Variants in PIEZO2 observed in about 807,000 individuals in gnomAD.
PIEZO2 encodes piezo-type mechanosensitive ion channel component 2.
A neutral mutation model predicts 337.3 loss-of-function variants in PIEZO2; 172 were observed. That is an observed-to-expected ratio of 0.51 (90% CI 0.45 to 0.58). The LOEUF (loss-of-function observed/expected upper bound fraction) is 0.58. Ranked by LOEUF, PIEZO2 falls within the 20% of genes least tolerant of loss-of-function variation. The probability of loss-of-function intolerance (pLI) is 0.00; values close to 1 mark genes in which losing one functional copy is unlikely to be tolerated. For missense variants in PIEZO2, 3,028 were observed against 3,391.3 expected (o/e 0.89, Z 2.66); for synonymous variants, 1,251 against 1,228.5 (o/e 1.02, Z -0.38).
rs547654310 is a variant in PIEZO2, at chr18:10,724,972, C to T, written c.5029+6435G>A. On this transcript the variant is annotated intron_variant, in intron 36 of 55. Transcript: ENST00000674853. The surrounding 1 kb of genome is among the most constrained non-coding windows in gnomAD (Gnocchi z 5.8). ...GCGCACCCTGCGGCCTGCAGCCTCC[C>T]TGCCTCACATTACTAAGACTCAAAG... 5.9e-5 allele frequency: 94 copies of T among 1,584,738 alleles called. 1 individual carries two copies. The African/African-American group carries it at 1.2e-3, about 19-fold the overall frequency.
intron 2 of PIEZO2, among the ~76,000 whole-genome samples, chr18:11,062,992 AAAGACTTGGAACCAAACCAAATGT>A (rs2038022491): frequency 6.6e-6 from 1 of 152,168 alleles, no homozygotes; most frequent in Non-Finnish European, 1.5e-5. Flanking sequence ...TCACAATAGC[AAAGACTTGGAACCAAACCAAATGT>A]CCAACAATGA....
At chr18:10,857,354 C>T (rs1416732729) in intron 5 of PIEZO2, 143 bp from the exon 6 acceptor site, 6 of 685,266 alleles carry the variant, frequency 8.8e-6, no homozygotes, top group Non-Finnish European at 1.2e-5. Context: ...AGTTCATTCC[C>T]CTCAGGTCTC....
rs189984218 is a variant in PIEZO2, at chr18:11,075,692, G to A, written c.65-9470C>T. Reference sequence around the variant, plus strand: ...AAAGGCAAGACATATGCTTACATACGTATTCTTATCACGTAGCACCTGTGT... The same window carrying A: ...AAAGGCAAGACATATGCTTACATACATATTCTTATCACGTAGCACCTGTGT... On this transcript the variant is annotated intron_variant, in intron 1 of 55. Transcript: ENST00000674853. Among the ~76,000 whole-genome samples, 43 of 151,976 alleles carry A rather than the reference G, an allele frequency of 2.8e-4. 1 individual carries two copies. In the East Asian group the frequency reaches 6.2e-3, roughly 22 times the overall value.
chr18:11,107,613 A>G (rs1455111654), intron 1 of PIEZO2, among the ~76,000 whole-genome samples: 1 of 152,230 alleles, frequency 6.6e-6, no homozygotes, highest in Admixed American at 6.5e-5. Context: ...GTTAAAGAAC[A>G]CTCAAAACAC....
chr18:10,879,921 A>C (rs1414350267), intron 4 of PIEZO2, among the ~76,000 whole-genome samples: 1 of 152,220 alleles, frequency 6.6e-6, no homozygotes, highest in Non-Finnish European at 1.5e-5. Flanking sequence ...GTATATCATA[A>C]TGGTGAAAAA....
chr18:11,095,289 G>T (rs2039230711), intron 1 of PIEZO2, among the ~76,000 whole-genome samples: 1 of 152,182 alleles, frequency 6.6e-6, no homozygotes, highest in Admixed American at 6.5e-5. Context: ...GGAATCCAGT[G>T]AGAAATAAAT....
At chr18:10,764,398 T>C (rs2143904216) in intron 21 of PIEZO2, among the ~76,000 whole-genome samples, 1 of 152,112 alleles carries the variant, frequency 6.6e-6, no homozygotes, top group South Asian at 2.1e-4. Flanking sequence ...TCCTAGCACT[T>C]TGGGAGGCCA....
rs1351428186 is a variant in PIEZO2 at position 10,750,125 on chromosome 18, G to T, written c.4230C>A (p.Phe1410Leu). The change falls in exon 29 of 56, where the codon TTC becomes TTA. Residue 1410 changes from phenylalanine to leucine, a missense_variant. This residue lies in a region of PIEZO2 where 1,925 missense variants were observed against 2,051.9 expected (regional missense o/e 0.94). Transcript: ENST00000674853. The surrounding 1 kb of genome is among the most constrained non-coding windows in gnomAD (Gnocchi z 4.1). The part of the protein sequence containing the change: ...VHNSCWLIQA[F>L]SLACTVKGYQ... ...AGCCTTTGACTGTGCAGGCCAGGCT[G>T]AAAGCCTGGATCAACCAACAACTAT... The T allele has an allele frequency of 4.6e-6, 7 of 1,536,924 alleles. No homozygotes were observed. Among genetic ancestry groups the T allele is most frequent in the Non-Finnish European group, 6.1e-6 (7 of 1,146,718 alleles).
chr18:10,934,729 C>G (rs990028107), intron 3 of PIEZO2, among the ~76,000 whole-genome samples: 1 of 150,486 alleles, frequency 6.6e-6, no homozygotes, highest in Admixed American at 6.6e-5. Context: ...AGCCTAAACA[C>G]CTGGAATAAT....
At chr18:10,990,447 C>G (rs144729033) in intron 2 of PIEZO2, among the ~76,000 whole-genome samples, 287 of 152,188 alleles carry the variant, frequency 1.9e-3, no homozygotes, top group African/African-American at 6.7e-3. Flanking sequence ...CCACTCAAAG[C>G]TGGAGAGGAG....
rs1488310616 is a variant in PIEZO2, at chr18:10,691,289, T to C, written c.7285A>G (p.Thr2429Ala). 4.3e-6 allele frequency: 7 copies of C among 1,614,136 alleles called. No individual in the cohort carries two copies. The highest frequency in any genetic ancestry group is 5.1e-6 in the Non-Finnish European group (6 of 1,180,024). The change falls in exon 48 of 56, where the codon ACG (threonine) becomes GCG (alanine). Residue 2429 changes from threonine to alanine, a missense_variant. Thr to Ala is a moderately conservative substitution (Grantham distance 58). This residue lies in a region of PIEZO2 where 179 missense variants were observed against 281.8 expected (regional missense o/e 0.64). Transcript: ENST00000674853. ...SAYQIRCGYP[T>A]RVLGNFLTKS... ...GTGAGGAAGTTCCCCAGGACTCGCG[T>C]TGGGTAGCCACAACGGATCTGGTAA...
At chr18:10,683,279 T>C (rs1416224677) in intron 49 of PIEZO2, among the ~76,000 whole-genome samples, 2 of 152,236 alleles carry the variant, frequency 1.3e-5, no homozygotes. Flanking sequence ...TGGGAGTCAG[T>C]ACAGGACATG....
rs1356107193 is a variant in PIEZO2 at position 10,943,949 on chromosome 18, C to T, written c.287-32721G>A. Reference sequence around the variant, plus strand: ...GAACAAGCTCTCTCTTTGCCTGCTGCCATCCACGTATGATGTGACTTCCTC... The same window carrying T: ...GAACAAGCTCTCTCTTTGCCTGCTGTCATCCACGTATGATGTGACTTCCTC... On this transcript the variant is annotated intron_variant, in intron 3 of 55. Transcript: ENST00000674853. The surrounding 1 kb of genome is among the most constrained non-coding windows in gnomAD (Gnocchi z 4.5). 6.6e-6 allele frequency among the ~76,000 whole-genome samples: 1 copy of T among 152,134 alleles called. No homozygotes were observed. Among genetic ancestry groups the T allele is most frequent in the East Asian group, 1.9e-4 (1 of 5,188 alleles).
In PIEZO2 at chr18:10,676,140, A is replaced by G. The variant is rs1290140960; in HGVS notation, c.8082-852T>C. On this transcript the variant is annotated intron_variant, in intron 53 of 55. Coordinates refer to ENST00000674853, the MANE Select transcript of PIEZO2 (RefSeq NM_001378183.1). This position sits in a 1 kb window ranked among gnomAD's most constrained non-coding sequence, Gnocchi z 5.1. ...GGACCTCGAGTGACCTCTGCCTCCCACAAGCCCAGTGCCTTCAATACATTC... is the reference window on the plus strand; with the variant it reads ...GGACCTCGAGTGACCTCTGCCTCCCGCAAGCCCAGTGCCTTCAATACATTC... Among the ~76,000 whole-genome samples the G allele has an allele frequency of 6.6e-6, 1 of 152,216 alleles. No homozygotes were observed. Among genetic ancestry groups the G allele is most frequent in the African/African-American group, 2.4e-5 (1 of 41,454 alleles).
At chr18:10,840,232 G>A (rs1267480768) in intron 7 of PIEZO2, among the ~76,000 whole-genome samples, 1 of 152,150 alleles carries the variant, frequency 6.6e-6, no homozygotes, top group African/African-American at 2.4e-5. Context: ...ATAAATGCAT[G>A]TTATTAATTT....
intron 3 of PIEZO2, among the ~76,000 whole-genome samples, chr18:10,972,816 T>C (rs115547812): frequency 6.6e-6 from 1 of 152,154 alleles, no homozygotes; most frequent in Non-Finnish European, 1.5e-5. Flanking sequence ...TTAGGACTTC[T>C]CTAATAACAG....
intron 2 of PIEZO2, among the ~76,000 whole-genome samples, chr18:11,022,653 C>G (rs2036354247): frequency 6.6e-6 from 1 of 152,186 alleles, no homozygotes; most frequent in Non-Finnish European, 1.5e-5. Context: ...TTTAAAGGCC[C>G]TGTCTCCAAA....
Position 11,035,231 on chromosome 18 carries a change from C to G in PIEZO2, c.160+30896G>C, listed in dbSNP as rs2036883359. ...TGGGGCCTGGTGGGAGGTGTTTGGT[C>G]CCAGCAGTAATGAGAGAGTTCTTGC... On this transcript the variant is annotated intron_variant, in intron 2 of 55. Transcript: ENST00000674853. This position sits in a 1 kb window ranked among gnomAD's most constrained non-coding sequence, Gnocchi z 4.3. Among the ~76,000 whole-genome samples the G allele has an allele frequency of 6.6e-6, 1 of 152,090 alleles. No individual in the cohort carries two copies. The highest frequency in any genetic ancestry group is 1.5e-5 in the Non-Finnish European group (1 of 68,018).
At position 10,680,179 on chromosome 18, in the gene PIEZO2, C is replaced by T. The variant is rs1191103082; in HGVS notation, c.7952+20G>A. The T allele has an allele frequency of 6.3e-7, 1 of 1,582,724 alleles. No homozygotes were observed. Among genetic ancestry groups the T allele is most frequent in the Non-Finnish European group, 8.6e-7 (1 of 1,159,596 alleles). ...AGACTGGGGAAAGGGATAAATTATA[C>T]ATGGAAATACAGTAACTACCTCTGA... On this transcript the variant is annotated intron_variant, in intron 52 of 55. Coordinates refer to ENST00000674853, the MANE Select transcript of PIEZO2 (RefSeq NM_001378183.1).
Sources: gnomAD v4.1 joint callset for allele counts (sites outside exome capture counted in the v4.1 genomes callset) on GRCh38, gnomAD v4.1.1 for gene constraint, gnomAD v4.1.1 regional missense constraint, Gnocchi (gnomAD v3.1) non-coding constraint, MANE v1.5 for transcripts, NCBI Gene and HGNC (gene_info 2026-07-23, HGNC 2026-07-21) for gene names.